The following PLCL2 variants were observed in gnomAD, a reference collection of about 807,000 sequenced individuals.
PLCL2 encodes inactive phospholipase C-like protein 2.
In PLCL2, 4 loss-of-function variants were observed where a neutral mutation model predicts 79.6. The observed-to-expected ratio is 0.05, with a 90% CI of 0.02 to 0.11. PLCL2 has a LOEUF of 0.11. PLCL2 is among the 10% of genes least tolerant of loss of function. The pLI is 1.00. For missense variants in PLCL2, 895 were observed against 1,291.0 expected (o/e 0.69, Z 4.70); for synonymous variants, 484 against 457.7 (o/e 1.06, Z -0.73).
At chr3:16,946,574 G>C (rs998624001) in intron 1 of PLCL2, among the ~76,000 whole-genome samples, 2 of 152,096 alleles carry the variant, frequency 1.3e-5, no homozygotes, top group African/African-American at 4.8e-5. Flanking sequence ...TTATATTACA[G>C]TTTTTATGGG....
At chr3:17,082,426 C>T (rs1055768509) in intron 5 of PLCL2, among the ~76,000 whole-genome samples, 1 of 152,126 alleles carries the variant, frequency 6.6e-6, no homozygotes, top group Non-Finnish European at 1.5e-5. Flanking sequence ...GCCACCGCGC[C>T]TGGCCAGAAT....
intron 1 of PLCL2, among the ~76,000 whole-genome samples, chr3:16,896,996 G>A (rs957681797): frequency 6.6e-6 from 1 of 152,024 alleles, no homozygotes; most frequent in African/African-American, 2.4e-5. Context: ...CTTATATGTT[G>A]GGTTCTCGAC....
chr3:17,044,735 G>A (rs968841642), intron 4 of PLCL2, among the ~76,000 whole-genome samples: 9 of 151,852 alleles, frequency 5.9e-5, no homozygotes, highest in African/African-American at 2.2e-4. Flanking sequence ...TGTGGAATTT[G>A]AAAAAAACTG....
At chr3:17,013,326 T>A (rs1012514597) in intron 2 of PLCL2, among the ~76,000 whole-genome samples, 1 of 152,188 alleles carries the variant, frequency 6.6e-6, no homozygotes, top group African/African-American at 2.4e-5. Flanking sequence ...GCACCTGCCA[T>A]GCACAAGCAA....
intron 3 of PLCL2, among the ~76,000 whole-genome samples, chr3:17,037,339 G>A (rs2064668649): frequency 6.6e-6 from 1 of 152,128 alleles, no homozygotes; most frequent in Non-Finnish European, 1.5e-5. Context: ...GTTAGGGCCA[G>A]GTGTATACTG....
intron 1 of PLCL2, among the ~76,000 whole-genome samples, chr3:16,957,283 T>C (rs145194105): frequency 0.01 from 1,532 of 152,354 alleles, 30 homozygotes; most frequent in African/African-American, 0.035. Context: ...CATTTCGTTA[T>C]GTACCCAGTA....
intron 1 of PLCL2, among the ~76,000 whole-genome samples, chr3:16,940,094 T>C (rs1697642148): frequency 2.0e-5 from 3 of 152,318 alleles, no homozygotes; most frequent in Non-Finnish European, 2.9e-5. Context: ...AGCCATGAGA[T>C]GTCTGGATTA....
intron 1 of PLCL2, among the ~76,000 whole-genome samples, chr3:16,923,691 T>G (rs771475715): frequency 1.3e-5 from 2 of 152,242 alleles, no homozygotes; most frequent in African/African-American, 2.4e-5. Flanking sequence ...AGCCATTATT[T>G]CTTCAAATAT....
At chr3:17,052,390 T>C (rs143590463) in intron 4 of PLCL2, among the ~76,000 whole-genome samples, 8 of 152,090 alleles carry the variant, frequency 5.3e-5, no homozygotes, top group Non-Finnish European at 1.0e-4. Context: ...ATGAAGAATA[T>C]GTAGAAGAAG....
At chr3:16,928,115 A>G (rs532316005) in intron 1 of PLCL2, among the ~76,000 whole-genome samples, 2 of 152,340 alleles carry the variant, frequency 1.3e-5, no homozygotes, top group African/African-American at 4.8e-5. Flanking sequence ...CTGTGTGAGC[A>G]TGTACTGCAT....
At chr3:17,073,374 T>C (rs1375500067) in intron 5 of PLCL2, among the ~76,000 whole-genome samples, 1 of 152,198 alleles carries the variant, frequency 6.6e-6, no homozygotes, top group Admixed American at 6.5e-5. Context: ...AATTTAAAAA[T>C]GCTTTATTGC....
At chr3:17,069,384 C>A (rs2065040974) in intron 5 of PLCL2, among the ~76,000 whole-genome samples, 1 of 152,130 alleles carries the variant, frequency 6.6e-6, no homozygotes, top group South Asian at 2.1e-4. Context: ...AAATTTTAGT[C>A]TTCTCTGGTT....
At chr3:16,958,988 A>G (rs529629646) in intron 1 of PLCL2, among the ~76,000 whole-genome samples, 17 of 152,296 alleles carry the variant, frequency 1.1e-4, no homozygotes, top group South Asian at 4.1e-4. Context: ...CCAACACCTC[A>G]GACCATCCTT....
intron 1 of PLCL2, among the ~76,000 whole-genome samples, chr3:16,899,906 T>G (rs1006498178): frequency 2.0e-5 from 3 of 150,406 alleles, no homozygotes; most frequent in African/African-American, 7.3e-5. Flanking sequence ...TCCCATCTCT[T>G]ATTTGAAATG....
At chr3:17,046,096 G>A (rs570410777) in intron 4 of PLCL2, among the ~76,000 whole-genome samples, 1 of 152,304 alleles carries the variant, frequency 6.6e-6, no homozygotes, top group African/African-American at 2.4e-5. Flanking sequence ...ATGGGAGTGA[G>A]AAGTGATGTG....
intron 1 of PLCL2, among the ~76,000 whole-genome samples, chr3:16,987,756 T>C (rs1400434739): frequency 6.6e-6 from 1 of 152,200 alleles, no homozygotes. Context: ...TTGATTCACG[T>C]ATTCTCTTCT....
intron 1 of PLCL2, among the ~76,000 whole-genome samples, chr3:16,985,700 T>G (rs1190662401): frequency 6.6e-6 from 1 of 152,154 alleles, no homozygotes; most frequent in Non-Finnish European, 1.5e-5. Flanking sequence ...AACTGTGCAG[T>G]TCCTAGGAGA....
intron 3 of PLCL2, among the ~76,000 whole-genome samples, chr3:17,018,249 C>T (rs1196094897): frequency 6.6e-6 from 1 of 152,134 alleles, no homozygotes; most frequent in African/African-American, 2.4e-5. Flanking sequence ...CAATGGTGAG[C>T]AAGGGCCCTA....
At chr3:17,068,402 G>A (rs570993511) in intron 5 of PLCL2, among the ~76,000 whole-genome samples, 1 of 152,236 alleles carries the variant, frequency 6.6e-6, no homozygotes, top group Non-Finnish European at 1.5e-5. Flanking sequence ...AGGAATGATT[G>A]GGAATTTAAA....
Sources: gnomAD v4.1 joint callset for allele counts (sites outside exome capture counted in the v4.1 genomes callset) on GRCh38, gnomAD v4.1.1 for gene constraint, MANE v1.5 for transcripts, NCBI Gene and HGNC (gene_info 2026-07-23, HGNC 2026-07-21) for gene names.